DIAPH3: variants seen among roughly 807,000 people sequenced by gnomAD.
DIAPH3 encodes the protein diaphanous related formin 3.
A neutral mutation model predicts 144.3 loss-of-function variants in DIAPH3; 117 were observed. The observed-to-expected ratio is 0.81, with a 90% CI of 0.70 to 0.95. DIAPH3 has a LOEUF of 0.95. DIAPH3 is among the 40% of genes least tolerant of loss of function. The pLI, the probability that DIAPH3 is intolerant of heterozygous loss-of-function variation, is 0.00. For missense variants in DIAPH3, 1,421 were observed against 1,412.7 expected, an observed-to-expected ratio of 1.01 and a Z score of -0.09; for synonymous variants, 519 against 488.9, an observed-to-expected ratio of 1.06 and a Z score of -0.81.
intron 24 of DIAPH3, among the ~76,000 whole-genome samples, chr13:59,828,573 TG>T (rs1375166051): frequency 6.7e-6 from 1 of 148,814 alleles, no homozygotes; most frequent in Admixed American, 6.8e-5. Context: ...GAAGCTTCTC[TG>T]CAAAGACATG....
chr13:59,970,204 TA>T (rs1270076576), intron 16 of DIAPH3, 146 bp from the exon 17 acceptor site: 1 of 461,012 alleles, frequency 2.2e-6, no homozygotes, highest in Non-Finnish European at 3.9e-6. Context: ...GTGTGTTCAA[TA>T]AGATACAAGT....
intron 4 of DIAPH3, among the ~76,000 whole-genome samples, chr13:60,053,612 C>A (rs932576720): frequency 6.6e-6 from 1 of 151,960 alleles, no homozygotes; most frequent in Admixed American, 6.6e-5. Context: ...TCCCCTTTGA[C>A]CTGTCTTGAA....
chr13:60,020,964 G>A (rs1473798020), intron 5 of DIAPH3: 1 of 152,226 alleles, frequency 6.6e-6, no homozygotes, highest in Non-Finnish European at 1.5e-5. Context: ...GAAATGGCCT[G>A]TGCTGAGCAA....
intron 24 of DIAPH3, among the ~76,000 whole-genome samples, chr13:59,830,334 G>C (rs571517297): frequency 6.6e-6 from 1 of 151,936 alleles, no homozygotes; most frequent in African/African-American, 2.4e-5. Context: ...TAAAGTACCT[G>C]TATAAAATCT....
In DIAPH3 at chr13:60,149,672, G is replaced by A. The variant is rs140420728; in HGVS notation, c.180+13915C>T. ...AGAAGCTGAGGTGGGAGGATCACAT[G>A]AGCCCAAGAGGTGAAGGCTGCAGTG... is the stretch of plus-strand genomic sequence containing the variant. On this transcript the variant is annotated intron_variant, in intron 1 of 27. Transcript: ENST00000400324. 3.9e-3 allele frequency among the ~76,000 whole-genome samples: 583 copies of A among 149,318 alleles called. 3 individuals are homozygous for A. The highest frequency in any genetic ancestry group is 0.014 in the African/African-American group (554 of 40,518).
At chr13:59,929,482 A>C (rs2047910705) in intron 17 of DIAPH3, among the ~76,000 whole-genome samples, 1 of 151,482 alleles carries the variant, frequency 6.6e-6, no homozygotes, top group East Asian at 1.9e-4. Context: ...CCCTGTCTTA[A>C]GTACTATAGA....
chr13:59,826,353 G>A (rs2041420043), intron 24 of DIAPH3, among the ~76,000 whole-genome samples: 1 of 134,548 alleles, frequency 7.4e-6, no homozygotes, highest in Non-Finnish European at 1.6e-5. Context: ...CAAAATCAAT[G>A]TACAAAAATC....
At chr13:59,885,672 T>C (rs1349221883) in intron 20 of DIAPH3, among the ~76,000 whole-genome samples, 6 of 152,094 alleles carry the variant, frequency 3.9e-5, no homozygotes, top group African/African-American at 1.2e-4. Context: ...TAACCTCTGC[T>C]ACCTTGAATG....
intron 1 of DIAPH3, among the ~76,000 whole-genome samples, chr13:60,151,357 A>G (rs1241122205): frequency 6.6e-6 from 1 of 152,188 alleles, no homozygotes; most frequent in Non-Finnish European, 1.5e-5. Context: ...TTGCCCAAGG[A>G]TATACAGACA....
intron 4 of DIAPH3, among the ~76,000 whole-genome samples, chr13:60,064,704 T>C (rs1397422691): frequency 6.6e-6 from 1 of 152,220 alleles, no homozygotes; most frequent in East Asian, 1.9e-4. Context: ...ACATGTTCAC[T>C]GGAGTAGCAC....
intron 7 of DIAPH3, 133 bp downstream of exon 7, chr13:60,015,780 T>A: frequency 1.2e-6 from 1 of 813,128 alleles, no homozygotes; most frequent in Non-Finnish European, 2.1e-6. Context: ...GAAACTAGAA[T>A]TCAATAAAAT....
At chr13:59,923,816 G>A (rs1433564066) in intron 18 of DIAPH3, among the ~76,000 whole-genome samples, 1 of 152,180 alleles carries the variant, frequency 6.6e-6, no homozygotes, top group Non-Finnish European at 1.5e-5. Context: ...GTAGAAAAGA[G>A]ATGGGTTTAG....
chr13:59,854,472 C>T (rs1214509777), intron 22 of DIAPH3, among the ~76,000 whole-genome samples: 3 of 152,072 alleles, frequency 2.0e-5, no homozygotes, highest in Non-Finnish European at 4.4e-5. Flanking sequence ...TACCTCTTCC[C>T]CCAATTGGTT....
intron 5 of DIAPH3, among the ~76,000 whole-genome samples, chr13:60,037,595 T>G (rs9563782): frequency 0.053 from 8,088 of 151,688 alleles, 402 homozygotes; most frequent in East Asian, 0.28. Context: ...AAATTAAATA[T>G]CAATCCAAAA....
At chr13:59,814,450 TAG>T (rs1354194360) in intron 24 of DIAPH3, among the ~76,000 whole-genome samples, 1 of 152,120 alleles carries the variant, frequency 6.6e-6, no homozygotes, top group African/African-American at 2.4e-5. Context: ...AAAATACCAA[TAG>T]AGAGCACAGA....
At chr13:59,814,259 G>A (rs1446573467) in intron 24 of DIAPH3, among the ~76,000 whole-genome samples, 2 of 152,102 alleles carry the variant, frequency 1.3e-5, no homozygotes, top group Non-Finnish European at 2.9e-5. Context: ...AATAAAAAGT[G>A]AAAATTACTT....
chr13:59,805,286 C>T (rs1445312798), intron 25 of DIAPH3, among the ~76,000 whole-genome samples: 1 of 151,932 alleles, frequency 6.6e-6, no homozygotes, highest in East Asian at 1.9e-4. Context: ...CTCAGGAAGT[C>T]TTAAAGCATA....
intron 17 of DIAPH3, among the ~76,000 whole-genome samples, chr13:59,944,794 AG>A (rs36116687): frequency 1.8e-3 from 273 of 148,174 alleles, no homozygotes; most frequent in African/African-American, 6.0e-3. Context: ...TTAGAAAAAA[AG>A]GGGGGGGGCT....
At chr13:60,125,321 C>A (rs1299389906) in intron 2 of DIAPH3, among the ~76,000 whole-genome samples, 1 of 151,376 alleles carries the variant, frequency 6.6e-6, no homozygotes, top group Non-Finnish European at 1.5e-5. Context: ...TCAAGTGATT[C>A]TCCTGCCTCA....
Sources: allele counts gnomAD v4.1 joint callset (sites outside exome capture counted in the v4.1 genomes callset), GRCh38; gene constraint gnomAD v4.1.1; transcripts MANE v1.5; gene names NCBI Gene and HGNC (gene_info 2026-07-23, HGNC 2026-07-21).